NKD1: variants seen among roughly 807,000 people sequenced by gnomAD.
The protein encoded by NKD1 is protein naked cuticle homolog 1.
NKD1 carries 21 observed loss-of-function variants against 56.0 expected under a neutral mutation model. The ratio of observed to expected loss-of-function variants is 0.38; its 90% CI spans 0.27 to 0.54. The LOEUF is 0.54. NKD1 is among the 20% of genes least tolerant of loss of function. The pLI, the probability that NKD1 is intolerant of heterozygous loss-of-function variation, is 0.82. For missense variants in NKD1, 578 were observed against 642.7 expected, an observed-to-expected ratio of 0.90 and a Z score of 1.09; for synonymous variants, 263 against 265.7, an observed-to-expected ratio of 0.99 and a Z score of 0.10.
intron 3 of NKD1, among the ~76,000 whole-genome samples, chr16:50,587,407 C>T (rs1303430703): frequency 1.3e-5 from 2 of 152,184 alleles, no homozygotes; most frequent in South Asian, 2.1e-4. Context: ...ATAGTAGAAT[C>T]GTCACCTCCC....
At chr16:50,574,283 T>C in intron 3 of NKD1, 1 of 985,200 alleles carries the variant, frequency 1.0e-6, no homozygotes, top group Non-Finnish European at 1.2e-6. Context: ...CCTTGGACAG[T>C]GGGGGCTAGG....
intron 3 of NKD1, among the ~76,000 whole-genome samples, chr16:50,554,537 A>G (rs1341741176): frequency 6.6e-6 from 1 of 152,146 alleles, no homozygotes; most frequent in Non-Finnish European, 1.5e-5. Flanking sequence ...ATCTTTTCCC[A>G]GGTCCTTCTG....
rs986872587 is a variant in NKD1 at position 50,598,216 on chromosome 16, G to A, written c.193-10078G>A. 7.4e-5 allele frequency among the ~76,000 whole-genome samples: 11 copies of A among 148,066 alleles called. No homozygotes were observed. The highest frequency in any genetic ancestry group is 1.0e-4 in the Non-Finnish European group (7 of 67,694). ...GGTTTCTCCAGGGCACTGCAGGGCC[G>A]CATGGGTGGACTCTGTGTGTGTGTG... On this transcript the variant is annotated intron_variant, in intron 3 of 9. Transcript: ENST00000268459. This position sits in a 1 kb window ranked among gnomAD's most constrained non-coding sequence, Gnocchi z 4.2.
intron 6 of NKD1, among the ~76,000 whole-genome samples, chr16:50,628,999 AC>A (rs1336218232): frequency 6.9e-6 from 1 of 145,128 alleles, no homozygotes; most frequent in African/African-American, 2.6e-5. Context: ...GGGATCTTGC[AC>A]TGTTGCCCAG....
chr16:50,576,916 G>A (rs1040533841), intron 3 of NKD1, among the ~76,000 whole-genome samples: 3 of 152,202 alleles, frequency 2.0e-5, no homozygotes, highest in Non-Finnish European at 4.4e-5. Flanking sequence ...ACTCCCTGCA[G>A]TCAGTGATGA....
In NKD1 at chr16:50,646,493, G is replaced by A. The variant is rs1010004216; in HGVS notation, c.*12712G>A. ...GATGGGAGACATGGCGTGGGGAGGAGGCGGCCTTGTGGCAGGTGCTGGGAG... is the reference window on the plus strand; with the variant it reads ...GATGGGAGACATGGCGTGGGGAGGAAGCGGCCTTGTGGCAGGTGCTGGGAG... On this transcript the variant is annotated 3_prime_UTR_variant, in exon 10 of 10. Transcript: ENST00000268459. The A allele has an allele frequency of 2.6e-5, 4 of 152,340 alleles. No individual in the cohort carries two copies. The highest frequency in any genetic ancestry group is 9.6e-5 in the African/African-American group (4 of 41,456). The allele number at this position is 152,340 out of a possible 1,614,324, so 9.4% of individuals were successfully genotyped here.
At chr16:50,629,707 T>G (rs1250397517) in intron 6 of NKD1, among the ~76,000 whole-genome samples, 1 of 152,082 alleles carries the variant, frequency 6.6e-6, no homozygotes, top group African/African-American at 2.4e-5. Flanking sequence ...AAGTCTGCAG[T>G]GAGCCATGAT....
chr16:50,571,543 C>T, intron 3 of NKD1: 2 of 985,274 alleles, frequency 2.0e-6, no homozygotes, highest in East Asian at 2.3e-4. Context: ...CCCAGCCTCC[C>T]AGTCCCAGTG....
At chr16:50,597,763 G>A (rs1009511931) in intron 3 of NKD1, among the ~76,000 whole-genome samples, 16 of 152,162 alleles carry the variant, frequency 1.1e-4, no homozygotes, top group African/African-American at 3.6e-4. Context: ...GCACTGCTGC[G>A]TGGCAGGCGG....
intron 3 of NKD1, among the ~76,000 whole-genome samples, chr16:50,604,010 C>G (rs1179918596): frequency 6.6e-6 from 1 of 152,190 alleles, no homozygotes; most frequent in Non-Finnish European, 1.5e-5. Flanking sequence ...CCCTGGAGAC[C>G]CAGGAAGGTC....
intron 3 of NKD1, among the ~76,000 whole-genome samples, chr16:50,552,954 T>C (rs1960422790): frequency 6.6e-6 from 1 of 152,094 alleles, no homozygotes; most frequent in Admixed American, 6.5e-5. Context: ...TATGGACTCA[T>C]AGGAGAAAAG....
intron 3 of NKD1, among the ~76,000 whole-genome samples, chr16:50,571,223 A>G (rs995395561): frequency 2.6e-5 from 4 of 152,200 alleles, no homozygotes; most frequent in African/African-American, 9.6e-5. Context: ...CAGCCCTCCT[A>G]TAACAAACCC....
At chr16:50,590,747 C>T (rs942211779) in intron 3 of NKD1, among the ~76,000 whole-genome samples, 9 of 152,250 alleles carry the variant, frequency 5.9e-5, no homozygotes, top group East Asian at 1.9e-4. Context: ...CTGGGCCCCA[C>T]ACCACCTGGC....
chr16:50,551,192 C>T (rs1217999501), intron 3 of NKD1, among the ~76,000 whole-genome samples: 2 of 145,984 alleles, frequency 1.4e-5, no homozygotes, highest in Admixed American at 6.8e-5. Flanking sequence ...GTGTTCCCAG[C>T]GAGAGGAATG....
At chr16:50,581,837 C>T (rs75029980) in intron 3 of NKD1, among the ~76,000 whole-genome samples, 7 of 152,122 alleles carry the variant, frequency 4.6e-5, no homozygotes, top group Admixed American at 2.6e-4. Context: ...TGTAGGCATG[C>T]GTGCCCTTTA....
intron 3 of NKD1, among the ~76,000 whole-genome samples, chr16:50,587,030 A>G (rs577182436): frequency 2.6e-5 from 4 of 152,278 alleles, no homozygotes; most frequent in Non-Finnish European, 5.9e-5. Context: ...CCCCTTCACC[A>G]TTATGCCATC....
chr16:50,564,543 A>ACTGTG (rs1218493319), intron 3 of NKD1, among the ~76,000 whole-genome samples: 1 of 152,240 alleles, frequency 6.6e-6, no homozygotes, highest in East Asian at 1.9e-4. Context: ...TAAAGTCCAC[A>ACTGTG]GGTCAGGTTC....
chr16:50,634,304 G>A lies in NKD1; in HGVS notation c.*523G>A, dbSNP rs1962421197. 1 of 152,860 alleles carries A rather than the reference G, an allele frequency of 6.5e-6. No individual in the cohort carries two copies. Among genetic ancestry groups the A allele is most frequent in the Admixed American group, 6.5e-5 (1 of 15,284 alleles). 9.5% of individuals were successfully genotyped at this position (152,860 alleles called of 1,614,324 possible). The stretch of plus-strand genomic sequence containing the variant: ...GACTGCAGAGTGCGAACGTCTTGCT[G>A]TTGTGTTTTTATGTCCCAACCTAGA... On this transcript the variant is annotated 3_prime_UTR_variant, in exon 10 of 10. Coordinates refer to ENST00000268459, the MANE Select transcript of NKD1 (RefSeq NM_033119.5).
Position 50,646,325 on chromosome 16 carries a change from A to T in NKD1, c.*12544A>T, listed in dbSNP as rs1376280871. On this transcript the variant is annotated 3_prime_UTR_variant, in exon 10 of 10. Coordinates refer to ENST00000268459, the MANE Select transcript of NKD1 (RefSeq NM_033119.5). The stretch of plus-strand genomic sequence containing the variant: ...ATAATGCAAATTGCTGAAATATGAG[A>T]TTTTCCCTACAAAGAGGTTTCCAAA... 6.8e-6 allele frequency: 1 copy of T among 146,096 alleles called. No individual in the cohort carries two copies. Among genetic ancestry groups the T allele is most frequent in the Non-Finnish European group, 1.5e-5 (1 of 66,730 alleles). 9.0% of individuals were successfully genotyped at this position (146,096 alleles called of 1,614,324 possible).
Sources: allele counts gnomAD v4.1 joint callset (sites outside exome capture counted in the v4.1 genomes callset), GRCh38; gene constraint gnomAD v4.1.1; non-coding constraint Gnocchi (gnomAD v3.1); transcripts MANE v1.5; gene names NCBI Gene and HGNC (gene_info 2026-07-23, HGNC 2026-07-21).